CD38: variants seen among roughly 807,000 people sequenced by gnomAD.
CD38 encodes the protein ADP-ribosyl cyclase/cyclic ADP-ribose hydrolase 1.
CD38 carries 31 observed loss-of-function variants against 36.3 expected under a neutral mutation model. The observed-to-expected ratio is 0.85, with a 90% CI of 0.64 to 1.15. The LOEUF (loss-of-function observed/expected upper bound fraction) is 1.15. Among genes scored for constraint, CD38 ranks in the 50% most tolerant of loss-of-function variants. The pLI, the probability that CD38 is intolerant of heterozygous loss-of-function variation, is 0.00. For synonymous variants in CD38, 131 were observed against 135.2 expected (o/e 0.97, Z 0.22); for missense variants, 380 against 371.9 (o/e 1.02, Z -0.18).
chr4:15,834,452 A>G, intron 4 of CD38, 150 bp downstream of exon 4: 1 of 609,876 alleles, frequency 1.6e-6, no homozygotes, highest in Non-Finnish European at 2.9e-6. Flanking sequence ...GTTCAGATGC[A>G]CATGCCAGAA....
chr4:15,802,949 A>C (rs1201215690), intron 1 of CD38, among the ~76,000 whole-genome samples: 1 of 152,232 alleles, frequency 6.6e-6, no homozygotes, highest in Admixed American at 6.5e-5. Context: ...AAAGCAACAC[A>C]TAAATCAATG....
intron 1 of CD38, among the ~76,000 whole-genome samples, chr4:15,814,445 T>G (rs1351369302): frequency 6.6e-6 from 1 of 152,256 alleles, no homozygotes; most frequent in Non-Finnish European, 1.5e-5. Context: ...TTTAGTTTAA[T>G]TAGATCCCAT....
At chr4:15,785,866 A>C (rs1321115466) in intron 1 of CD38, among the ~76,000 whole-genome samples, 1 of 152,134 alleles carries the variant, frequency 6.6e-6, no homozygotes, top group East Asian at 1.9e-4. Flanking sequence ...TGGTGTGTCC[A>C]GAGTTTGTTC....
rs1454411046 is a variant in CD38 at position 15,841,831 on chromosome 4, C to T, written c.839+1293C>T. Among the ~76,000 whole-genome samples the T allele has an allele frequency of 6.8e-5, 9 of 132,704 alleles. No homozygotes were observed. In the East Asian group the frequency reaches 1.3e-3, roughly 19 times the overall value. The allele number at this position is 132,704 out of a possible 152,430, so 87.1% of individuals were successfully genotyped here. ...CCTGGAAAATCGGGTCACTCCCACC[C>T]GAATATTGCGCTTTTCAGACCGGCT... is the stretch of plus-strand genomic sequence containing the variant. On this transcript the variant is annotated intron_variant, in intron 7 of 7. Transcript: ENST00000226279.
At chr4:15,805,690 A>G (rs56230351) in intron 1 of CD38, among the ~76,000 whole-genome samples, 4 of 152,210 alleles carry the variant, frequency 2.6e-5, no homozygotes, top group Non-Finnish European at 5.9e-5. Flanking sequence ...TGATGAATTA[A>G]TGATTTCTAA....
chr4:15,823,870 C>T (rs995523419), intron 2 of CD38, among the ~76,000 whole-genome samples: 4 of 152,088 alleles, frequency 2.6e-5, no homozygotes, highest in Non-Finnish European at 4.4e-5. Context: ...CATTGCAGTG[C>T]CATTCACAAT....
At chr4:15,786,410 T>A (rs1043553743) in intron 1 of CD38, among the ~76,000 whole-genome samples, 3 of 152,146 alleles carry the variant, frequency 2.0e-5, no homozygotes, top group African/African-American at 7.2e-5. Flanking sequence ...TTTACAAACC[T>A]TGAGCTAGAC....
intron 3 of CD38, among the ~76,000 whole-genome samples, chr4:15,830,294 G>T (rs980540594): frequency 1.3e-5 from 2 of 152,248 alleles, no homozygotes; most frequent in South Asian, 4.1e-4. Context: ...TTTAGCTGGG[G>T]TGAGATGATA....
At chr4:15,790,079 C>T (rs554932900) in intron 1 of CD38, among the ~76,000 whole-genome samples, 51 of 151,590 alleles carry the variant, frequency 3.4e-4, no homozygotes, top group Non-Finnish European at 6.3e-4. Flanking sequence ...ACAGCATGTG[C>T]AAAGGCCTTG....
In CD38 at chr4:15,847,595, C is replaced by CAAAAA. The variant is rs71179666; in HGVS notation, c.840-920_840-916dup. 6.5e-4 allele frequency among the ~76,000 whole-genome samples: 25 copies of CAAAAA among 38,172 alleles called. 2 individuals carry two copies. Among genetic ancestry groups the CAAAAA allele is most frequent in the East Asian group, 1.9e-3 (1 of 514 alleles). 25.0% of individuals were successfully genotyped at this position (38,172 alleles called of 152,430 possible). On this transcript the variant is annotated intron_variant, in intron 7 of 7. Coordinates refer to ENST00000226279, the MANE Select transcript of CD38 (RefSeq NM_001775.4). The stretch of plus-strand genomic sequence containing the variant: ...AAAAATAAAAAACAACTCTCAGAAG[C>CAAAAA]AAAAAAAAAAAAAAAAAAAAAAAAA...
intron 1 of CD38, among the ~76,000 whole-genome samples, chr4:15,812,293 A>G (rs1289600898): frequency 6.6e-6 from 1 of 152,154 alleles, no homozygotes; most frequent in Non-Finnish European, 1.5e-5. Flanking sequence ...TTACATTTCC[A>G]TATGAATTTT....
intron 2 of CD38, among the ~76,000 whole-genome samples, chr4:15,823,928 TA>T (rs898285647): frequency 3.2e-4 from 49 of 152,106 alleles, no homozygotes; most frequent in African/African-American, 9.4e-4. Context: ...ATAGGCTGGA[TA>T]AAGAAAATGT....
At chr4:15,786,175 T>A (rs6449188) in intron 1 of CD38, among the ~76,000 whole-genome samples, 65,014 of 152,054 alleles carry the variant, frequency 0.43, 15,982 homozygotes, top group African/African-American at 0.69. Flanking sequence ...GAACAAAGCT[T>A]CCCCAGTGTA....
At chr4:15,799,065 G>A (rs1331417748) in intron 1 of CD38, among the ~76,000 whole-genome samples, 1 of 152,076 alleles carries the variant, frequency 6.6e-6, no homozygotes, top group Admixed American at 6.5e-5. Context: ...TGTGCCTTTT[G>A]TATCTTATTT....
intron 7 of CD38, among the ~76,000 whole-genome samples, chr4:15,841,546 C>CAGATATCTGACCAGTCTAAGCTGTTCAAA (rs1560321454): frequency 4.0e-5 from 6 of 151,498 alleles, no homozygotes; most frequent in African/African-American, 1.5e-4. Context: ...AGCAATCTTG[C>CAGATATCTGACCAGTCTAAGCTGTTCAAA]GGCGGAGGAG....
intron 4 of CD38, among the ~76,000 whole-genome samples, chr4:15,836,055 T>TA (rs1442788189): frequency 2.0e-5 from 3 of 152,204 alleles, no homozygotes; most frequent in Non-Finnish European, 4.4e-5. Context: ...AAATTAAACT[T>TA]AGACATCTGA....
intron 2 of CD38, 114 bp downstream of exon 2, chr4:15,816,754 T>C (rs1318555422): frequency 2.6e-6 from 3 of 1,136,826 alleles, no homozygotes; most frequent in Admixed American, 3.4e-5. Flanking sequence ...GACATTATAG[T>C]GTGAGTGTGG....
At chr4:15,797,681 G>A in intron 1 of CD38, among the ~76,000 whole-genome samples, 1 of 152,184 alleles carries the variant, frequency 6.6e-6, no homozygotes, top group East Asian at 1.9e-4. Flanking sequence ...CTGAAGGTGT[G>A]AGAGAGAATC....
intron 2 of CD38, among the ~76,000 whole-genome samples, chr4:15,821,514 G>A (rs1230249252): frequency 1.3e-5 from 2 of 151,916 alleles, no homozygotes; most frequent in Non-Finnish European, 2.9e-5. Context: ...TATCACCACA[G>A]AAATACAAAC....
Sources: gnomAD v4.1 joint callset for allele counts (sites outside exome capture counted in the v4.1 genomes callset) on GRCh38, gnomAD v4.1.1 for gene constraint, MANE v1.5 for transcripts, NCBI Gene and HGNC (gene_info 2026-07-23, HGNC 2026-07-21) for gene names.